The following TBC1D22A variants were observed in gnomAD, a reference collection of about 807,000 sequenced individuals.
The protein encoded by TBC1D22A is putative GTPase activator.
Under a neutral mutation model 60.2 loss-of-function variants are expected in TBC1D22A, and 38 were observed. The observed-to-expected ratio is 0.63, with a 90% CI of 0.49 to 0.83. The LOEUF (loss-of-function observed/expected upper bound fraction) is 0.83, where lower values mean the gene tolerates loss of function less well. Among genes scored for constraint, TBC1D22A ranks in the 40% least tolerant of loss-of-function variants. The pLI, the probability that TBC1D22A is intolerant of heterozygous loss-of-function variation, is 0.00. For synonymous variants in TBC1D22A, 302 were observed against 281.7 expected (o/e 1.07, Z -0.72); for missense variants, 628 against 701.0 (o/e 0.90, Z 1.18).
At chr22:47,133,766 G>A (rs1427464779) in intron 12 of TBC1D22A, among the ~76,000 whole-genome samples, 3 of 152,192 alleles carry the variant, frequency 2.0e-5, no homozygotes, top group East Asian at 1.9e-4. Context: ...GTGCCTGCGC[G>A]AGGCAGCTTT....
chr22:46,947,421 G>A (rs751718169), intron 8 of TBC1D22A, among the ~76,000 whole-genome samples: 37 of 152,174 alleles, frequency 2.4e-4, no homozygotes, highest in Admixed American at 2.0e-4. Flanking sequence ...AAAGGTGGAC[G>A]GTTGGACGTT....
chr22:47,135,144 C>T (rs2147126071), intron 12 of TBC1D22A, among the ~76,000 whole-genome samples: 1 of 152,348 alleles, frequency 6.6e-6, no homozygotes, highest in East Asian at 1.9e-4. Context: ...AGGATGGGGC[C>T]TCTTCCCTGA....
intron 7 of TBC1D22A, among the ~76,000 whole-genome samples, chr22:46,906,779 C>CTGTGTGTG (rs148450942): frequency 0.035 from 5,241 of 149,102 alleles, 249 homozygotes; most frequent in African/African-American, 0.091. Flanking sequence ...GGACCCTGAA[C>CTGTGTGTG]TGTGTGTGTG....
chr22:46,940,812 C>T (rs184731966), intron 8 of TBC1D22A, among the ~76,000 whole-genome samples: 171 of 60,706 alleles, frequency 2.8e-3, no homozygotes, highest in Middle Eastern at 0.027. Context: ...GCATGGGGAC[C>T]GGGGCACTAG....
intron 11 of TBC1D22A, among the ~76,000 whole-genome samples, chr22:47,082,690 C>T (rs976604022): frequency 3.9e-5 from 6 of 152,228 alleles, no homozygotes; most frequent in Admixed American, 2.0e-4. Context: ...TACTACTACA[C>T]GCCCTCCTTA....
At chr22:47,166,631 C>A (rs1215876183) in intron 12 of TBC1D22A, among the ~76,000 whole-genome samples, 1 of 152,228 alleles carries the variant, frequency 6.6e-6, no homozygotes, top group Admixed American at 6.5e-5. Flanking sequence ...GTTTATTTCT[C>A]CATCTGTTGC....
intron 10 of TBC1D22A, among the ~76,000 whole-genome samples, chr22:47,002,767 C>T (rs574466183): frequency 1.2e-4 from 19 of 152,270 alleles, no homozygotes; most frequent in South Asian, 2.1e-4. Flanking sequence ...CCTGGGGCCC[C>T]GGTTCTGGTG....
At chr22:47,063,102 C>T (rs920723794) in intron 11 of TBC1D22A, among the ~76,000 whole-genome samples, 3 of 152,026 alleles carry the variant, frequency 2.0e-5, no homozygotes, top group Admixed American at 6.6e-5. Flanking sequence ...CAGCAGGACT[C>T]GGTGGAGGAT....
chr22:46,904,145 A>ATCTG (rs1555937547), intron 7 of TBC1D22A, among the ~76,000 whole-genome samples: 15 of 75,556 alleles, frequency 2.0e-4, no homozygotes, highest in South Asian at 4.7e-4. Context: ...CTATCTATCT[A>ATCTG]CCTACCTACC....
chr22:46,790,069 C>T (rs753424035), intron 1 of TBC1D22A, among the ~76,000 whole-genome samples: 26 of 152,382 alleles, frequency 1.7e-4, no homozygotes, highest in Admixed American at 1.0e-3. Context: ...TACTGGCTTA[C>T]AGCAAACATG....
intron 5 of TBC1D22A, 81 bp from the exon 6 acceptor site, chr22:46,891,185 G>A (rs2068385068): frequency 7.0e-7 from 1 of 1,434,282 alleles, no homozygotes; most frequent in Non-Finnish European, 9.2e-7. Context: ...TATGATGCAA[G>A]TCTTTTTATT....
Position 46,904,976 on chromosome 22 carries a change from G to A in TBC1D22A, c.901-7098G>A, listed in dbSNP as rs192141514. Among the ~76,000 whole-genome samples, 202 of 151,028 alleles carry A rather than the reference G, an allele frequency of 1.3e-3. 2 individuals are homozygous for A. The highest frequency in any genetic ancestry group is 0.013 in the Admixed American group (191 of 15,166). ...TTTTTAGTAGAGACGGGGTTTCACCGTGTTAGCCGGGATGGTCTCGATCTC... is the reference window on the plus strand; with the variant it reads ...TTTTTAGTAGAGACGGGGTTTCACCATGTTAGCCGGGATGGTCTCGATCTC... On this transcript the variant is annotated intron_variant, in intron 7 of 12. Transcript: ENST00000337137.
chr22:46,841,332 C>G (rs1237263780), intron 4 of TBC1D22A, among the ~76,000 whole-genome samples: 2 of 152,106 alleles, frequency 1.3e-5, no homozygotes, highest in Admixed American at 6.6e-5. Flanking sequence ...TTTGGCCGTT[C>G]CGCCATGTGA....
chr22:47,035,765 G>T lies in TBC1D22A; in HGVS notation c.1202-1306G>T, dbSNP rs145383208. Among the ~76,000 whole-genome samples the T allele has an allele frequency of 2.9e-3, 442 of 152,232 alleles. 3 individuals carry two copies. The highest frequency in any genetic ancestry group is 4.0e-3 in the Non-Finnish European group (273 of 68,006). The stretch of plus-strand genomic sequence containing the variant: ...CTTAGTGGAGCCTGCTTGGAAACCA[G>T]CCCCTGTCCTTAGGTGAGGGCAGCT... On this transcript the variant is annotated intron_variant, in intron 10 of 12. Coordinates refer to ENST00000337137, the MANE Select transcript of TBC1D22A (RefSeq NM_014346.5).
chr22:46,793,499 A>G lies in TBC1D22A; in HGVS notation c.120-2A>G. 2.5e-6 allele frequency: 4 copies of G among 1,614,126 alleles called. No individual in the cohort carries two copies. The highest frequency in any genetic ancestry group is 2.5e-6 in the Non-Finnish European group (3 of 1,180,004). On this transcript the variant is annotated splice_acceptor_variant, in intron 2 of 12. Coordinates refer to ENST00000337137, the MANE Select transcript of TBC1D22A (RefSeq NM_014346.5). LOFTEE classifies it high-confidence loss of function. ...CGAGTAAAGACTGCCTTTGCATTGC[A>G]GTTTGCTCAGGTCCACGGCCAAGAT...
At chr22:47,145,718 C>T (rs1361514915) in intron 12 of TBC1D22A, among the ~76,000 whole-genome samples, 5 of 152,186 alleles carry the variant, frequency 3.3e-5, no homozygotes, top group Non-Finnish European at 5.9e-5. Context: ...TCTAAGTAAG[C>T]ACCTACCTGC....
At chr22:47,064,710 T>G (rs1478597242) in intron 11 of TBC1D22A, among the ~76,000 whole-genome samples, 1 of 152,182 alleles carries the variant, frequency 6.6e-6, no homozygotes, top group African/African-American at 2.4e-5. Flanking sequence ...TAGGGGCATC[T>G]GGGTATTCAT....
At chr22:46,975,414 C>T (rs1005240351) in intron 9 of TBC1D22A, among the ~76,000 whole-genome samples, 5 of 152,134 alleles carry the variant, frequency 3.3e-5, no homozygotes, top group Admixed American at 6.5e-5. Flanking sequence ...GCCCAGAGCG[C>T]GGTTTGGGTC....
intron 12 of TBC1D22A, among the ~76,000 whole-genome samples, chr22:47,134,141 A>G (rs1445587241): frequency 1.3e-5 from 2 of 152,188 alleles, no homozygotes; most frequent in South Asian, 2.1e-4. Flanking sequence ...TAGTCTTGCC[A>G]TTAAAGAAAA....
Sources: allele counts gnomAD v4.1 joint callset (sites outside exome capture counted in the v4.1 genomes callset), GRCh38; gene constraint gnomAD v4.1.1; transcripts MANE v1.5; gene names NCBI Gene and HGNC (gene_info 2026-07-23, HGNC 2026-07-21).